Variants in PRDM16 observed in about 807,000 individuals in gnomAD.
The protein encoded by PRDM16 is PR/SET domain 16, also known as histone-lysine N-methyltransferase PRDM16.
Under a neutral mutation model 110.6 loss-of-function variants are expected in PRDM16, and 23 were observed. The ratio of observed to expected loss-of-function variants is 0.21; its 90% CI spans 0.15 to 0.29. The LOEUF (loss-of-function observed/expected upper bound fraction) is 0.29, where lower values mean the gene tolerates loss of function less well. PRDM16 is among the 10% of genes least tolerant of loss of function. The probability of loss-of-function intolerance (pLI) is 1.00; values close to 1 mark genes in which losing one functional copy is unlikely to be tolerated. For missense variants in PRDM16, 1,615 were observed against 1,794.3 expected (o/e 0.90, Z 1.81); for synonymous variants, 799 against 781.8 (o/e 1.02, Z -0.37).
intron 9 of PRDM16, 27 bp downstream of exon 9, chr1:3,412,827 T>C (rs1643716040): frequency 3.5e-6 from 5 of 1,429,016 alleles, no homozygotes; most frequent in Non-Finnish European, 4.6e-6. Flanking sequence ...CCTCACTGGC[T>C]CTCCCTGGGG....
At chr1:3,253,205 TTA>T (rs1401693360) in intron 3 of PRDM16, among the ~76,000 whole-genome samples, 1 of 151,870 alleles carries the variant, frequency 6.6e-6, no homozygotes, top group Non-Finnish European at 1.5e-5. Context: ...TTAATTTAAT[TTA>T]ATTATTATTA....
chr1:3,430,142 G>C (rs1419265919), intron 14 of PRDM16, among the ~76,000 whole-genome samples: 2 of 152,194 alleles, frequency 1.3e-5, no homozygotes, highest in Non-Finnish European at 2.9e-5. Context: ...CACAGCTCTT[G>C]GTCGTGAACA....
At chr1:3,276,658 C>A (rs1640589244) in intron 3 of PRDM16, among the ~76,000 whole-genome samples, 1 of 2,116 alleles carries the variant, frequency 4.7e-4, no homozygotes, top group Admixed American at 4.3e-3. Flanking sequence ...CTCGTCGGCC[C>A]CAGCCAGCTC....
chr1:3,306,953 C>T (rs1236935169), intron 3 of PRDM16: 2 of 152,202 alleles, frequency 1.3e-5, no homozygotes, highest in Non-Finnish European at 2.9e-5. Flanking sequence ...GTGACTGGCT[C>T]CTTCCACTCA....
chr1:3,425,598 G>A lies in PRDM16; in HGVS notation c.2957G>A (p.Arg986His). 1 of 1,613,796 alleles carries A rather than the reference G, an allele frequency of 6.2e-7. No homozygotes were observed. Among genetic ancestry groups the A allele is most frequent in the Non-Finnish European group, 8.5e-7 (1 of 1,179,920 alleles). Residue 986 changes from arginine to histidine, a missense_variant, in exon 13 of 17, where the codon CGC becomes CAC. Physicochemically the swap from Arg to His is conservative, Grantham distance 29 (BLOSUM62 0). Around this residue, in one of 5 missense-constraint regions of PRDM16, gnomAD observed 18 missense variants for 75.2 expected, o/e 0.24. Coordinates refer to ENST00000270722, the MANE Select transcript of PRDM16 (RefSeq NM_022114.4). This position sits in a 1 kb window ranked among gnomAD's most constrained non-coding sequence, Gnocchi z 6.9. ...EQPYRCKYCDRSFSISSNLQR... is the reference protein window; with the variant it reads ...EQPYRCKYCDHSFSISSNLQR... ...CCTTCCAGGTGTAAGTACTGCGACCGCTCCTTCAGCATCTCTTCGAACCTC... is the reference window on the plus strand; with the variant it reads ...CCTTCCAGGTGTAAGTACTGCGACCACTCCTTCAGCATCTCTTCGAACCTC...
chr1:3,081,027 G>A lies in PRDM16; in HGVS notation c.37+11731G>A, dbSNP rs1642013474. On this transcript the variant is annotated intron_variant, in intron 1 of 16. Coordinates refer to ENST00000270722, the MANE Select transcript of PRDM16 (RefSeq NM_022114.4). This position sits in a 1 kb window ranked among gnomAD's most constrained non-coding sequence, Gnocchi z 4.6. ...GGCCTAAAAAAAAGCAGAGAGTAAG[G>A]GAGCTCAGAGAATCGGGGGGCAGAT... is the stretch of plus-strand genomic sequence containing the variant. 6.6e-6 allele frequency among the ~76,000 whole-genome samples: 1 copy of A among 152,096 alleles called. No homozygotes were observed. The highest frequency in any genetic ancestry group is 1.5e-5 in the Non-Finnish European group (1 of 68,026).
In PRDM16 at chr1:3,431,122, T is replaced by C; in HGVS notation, c.3521+14T>C. 6.5e-7 allele frequency: 1 copy of C among 1,548,582 alleles called. No individual in the cohort carries two copies. The highest frequency in any genetic ancestry group is 8.7e-7 in the Non-Finnish European group (1 of 1,146,438). On this transcript the variant is annotated intron_variant, in intron 15 of 16. Coordinates refer to ENST00000270722, the MANE Select transcript of PRDM16 (RefSeq NM_022114.4). The stretch of plus-strand genomic sequence containing the variant: ...CCACACCCGAAGGTGGGGGCAGCCG[T>C]GTGCTCCAGGATGGGGCAGGGAGGG...
At chr1:3,142,154 G>A (rs1306205123) in intron 1 of PRDM16, among the ~76,000 whole-genome samples, 6 of 152,244 alleles carry the variant, frequency 3.9e-5, no homozygotes, top group Non-Finnish European at 7.3e-5. Flanking sequence ...GGCCATTTCC[G>A]GGGTCTGGTC....
At chr1:3,295,899 G>T (rs983660652) in intron 3 of PRDM16, among the ~76,000 whole-genome samples, 1 of 152,098 alleles carries the variant, frequency 6.6e-6, no homozygotes, top group Non-Finnish European at 1.5e-5. Context: ...TAACTGGGGC[G>T]TGACACCTCT....
chr1:3,078,590 G>A (rs1243986703), intron 1 of PRDM16, among the ~76,000 whole-genome samples: 1 of 152,252 alleles, frequency 6.6e-6, no homozygotes, highest in Non-Finnish European at 1.5e-5. Flanking sequence ...GGAGGGTTAT[G>A]TAATTTTCTT....
At chr1:3,104,926 C>T (rs959152465) in intron 1 of PRDM16, among the ~76,000 whole-genome samples, 3 of 152,148 alleles carry the variant, frequency 2.0e-5, no homozygotes, top group Non-Finnish European at 1.5e-5. Flanking sequence ...GTAGGGTGGC[C>T]TCCAAGGACA....
Position 3,248,825 on chromosome 1 carries a change from G to A in PRDM16, c.438+4688G>A, listed in dbSNP as rs971362283. On this transcript the variant is annotated intron_variant, in intron 3 of 16. Coordinates refer to ENST00000270722, the MANE Select transcript of PRDM16 (RefSeq NM_022114.4). ...GCCTGTCCCACTGGGCTGTTCTGTG[G>A]GCGTTTTCTATAGCCCGGCCCGGGC... Among the ~76,000 whole-genome samples, 3 of 152,236 alleles carry A rather than the reference G, an allele frequency of 2.0e-5. No homozygotes were observed. The East Asian group carries it at 5.8e-4, about 29-fold the overall frequency.
chr1:3,233,753 T>C (rs907871442), intron 2 of PRDM16, among the ~76,000 whole-genome samples: 2 of 152,130 alleles, frequency 1.3e-5, no homozygotes, highest in Admixed American at 1.3e-4. Flanking sequence ...TTGGAGGTGA[T>C]GGATGGGTTT....
intron 2 of PRDM16, among the ~76,000 whole-genome samples, chr1:3,193,655 C>T (rs1291505280): frequency 6.6e-6 from 1 of 152,198 alleles, no homozygotes; most frequent in Non-Finnish European, 1.5e-5. Flanking sequence ...TGCGCCCACC[C>T]AGCCGGGGAG....
intron 3 of PRDM16, among the ~76,000 whole-genome samples, chr1:3,362,405 T>C (rs1642731715): frequency 6.6e-6 from 1 of 152,048 alleles, no homozygotes; most frequent in Non-Finnish European, 1.5e-5. Flanking sequence ...CGGTCATGGT[T>C]GCGGCAAGAA....
intron 3 of PRDM16, among the ~76,000 whole-genome samples, chr1:3,320,721 A>G (rs577804689): frequency 1.3e-5 from 2 of 152,310 alleles, no homozygotes; most frequent in African/African-American, 2.4e-5. Flanking sequence ...AGATAAGGCC[A>G]AGTTCTTTGA....
chr1:3,181,905 TACAC>T lies in PRDM16; in HGVS notation c.38-4217_38-4214del, dbSNP rs199515306. 2.1e-3 allele frequency among the ~76,000 whole-genome samples: 220 copies of T among 106,254 alleles called. 3 individuals are homozygous for T. Among genetic ancestry groups the T allele is most frequent in the African/African-American group, 6.3e-3 (197 of 31,484 alleles). The allele number at this position is 106,254 out of a possible 152,430, so 69.7% of individuals were successfully genotyped here. A position where few individuals can be genotyped will look rare whatever the true frequency, so the allele number is the denominator to read the frequency against. On this transcript the variant is annotated intron_variant, in intron 1 of 16. Coordinates refer to ENST00000270722, the MANE Select transcript of PRDM16 (RefSeq NM_022114.4). Reference sequence around the variant, plus strand: ...GCACACGCAGTCTTACACACGGTCTTACACACGCAGTCTTACACATGGTCTTACA... The same window carrying T: ...GCACACGCAGTCTTACACACGGTCTTACGCAGTCTTACACATGGTCTTACA...
chr1:3,388,281 CCT>C (rs1324216308), intron 4 of PRDM16, among the ~76,000 whole-genome samples: 1 of 152,116 alleles, frequency 6.6e-6, no homozygotes, highest in East Asian at 1.9e-4. Flanking sequence ...TCTCTCTCTC[CCT>C]CTCTCTTTCT....
At position 3,157,541 on chromosome 1, in the gene PRDM16, T is replaced by A. The variant is rs1643868952; in HGVS notation, c.38-28584T>A. Among the ~76,000 whole-genome samples the A allele has an allele frequency of 6.7e-6, 1 of 149,666 alleles. No individual in the cohort carries two copies. Among genetic ancestry groups the A allele is most frequent in the Non-Finnish European group, 1.5e-5 (1 of 67,692 alleles). On this transcript the variant is annotated intron_variant, in intron 1 of 16. Transcript: ENST00000270722. This position sits in a 1 kb window ranked among gnomAD's most constrained non-coding sequence, Gnocchi z 4.8. ...AAGGTCTTTATGGGCAGAAAAGAGA[T>A]GATAGATGAGAAAAAAAAGAGACTG...
Sources: allele counts gnomAD v4.1 joint callset (sites outside exome capture counted in the v4.1 genomes callset), GRCh38; gene constraint gnomAD v4.1.1; regional missense constraint gnomAD v4.1.1; non-coding constraint Gnocchi (gnomAD v3.1); transcripts MANE v1.5; gene names NCBI Gene and HGNC (gene_info 2026-07-23, HGNC 2026-07-21).